Variants in RALGDS observed in about 807,000 individuals in gnomAD.
RALGDS encodes ral guanine nucleotide exchange factor.
RALGDS carries 44 observed loss-of-function variants against 99.8 expected under a neutral mutation model. The observed-to-expected ratio is 0.44, with a 90% CI of 0.35 to 0.57. The LOEUF (loss-of-function observed/expected upper bound fraction) is 0.57. Among genes scored for constraint, RALGDS ranks in the 20% least tolerant of loss-of-function variants. The pLI, the probability that RALGDS is intolerant of heterozygous loss-of-function variation, is 0.01. For synonymous variants in RALGDS, 529 were observed against 505.0 expected, an observed-to-expected ratio of 1.05 and a Z score of -0.64; for missense variants, 1,022 against 1,203.1, an observed-to-expected ratio of 0.85 and a Z score of 2.23.
At chr9:133,146,870 C>A (rs952433938) in intron 1 of RALGDS, among the ~76,000 whole-genome samples, 1 of 152,202 alleles carries the variant, frequency 6.6e-6, no homozygotes, top group Non-Finnish European at 1.5e-5. Flanking sequence ...TGCCCTCAGT[C>A]AAAACTGAAT....
At chr9:133,103,899 C>T (rs1830884693) in intron 10 of RALGDS, 66 bp from the exon 11 acceptor site, 1 of 1,487,606 alleles carries the variant, frequency 6.7e-7, no homozygotes, top group Non-Finnish European at 9.4e-7. Context: ...CCCCCAGCCC[C>T]AACTGGTCTC....
At chr9:133,104,206 C>G (rs1197564947) in intron 10 of RALGDS, 57 bp downstream of exon 10, 2 of 1,528,808 alleles carry the variant, frequency 1.3e-6, no homozygotes, top group East Asian at 4.5e-5. Context: ...AGGAAAGGGC[C>G]CTCCTCCCTA....
At chr9:133,103,677 G>T in intron 11 of RALGDS, 70 bp downstream of exon 11, 1 of 1,489,396 alleles carries the variant, frequency 6.7e-7, no homozygotes, top group Non-Finnish European at 9.4e-7. Context: ...AGGTGTGGCA[G>T]CCCAGCCCCC....
rs184674735 is a variant in RALGDS, at chr9:133,120,724, G to A, written c.183+248C>T. The stretch of plus-strand genomic sequence containing the variant: ...CCTTGGTGACAGCAGGCCCTGGAAC[G>A]GTATTGAGGGGCGCAAAACCCCAGC... On this transcript the variant is annotated intron_variant, in intron 1 of 17. Coordinates refer to ENST00000372050, the MANE Select transcript of RALGDS (RefSeq NM_006266.4). Among the ~76,000 whole-genome samples the A allele has an allele frequency of 2.4e-3, 360 of 152,312 alleles. 2 individuals are homozygous for A. The highest frequency in any genetic ancestry group is 8.4e-3 in the African/African-American group (351 of 41,560).
At chr9:133,124,100 GCA>G (rs1312368795), upstream of RALGDS, among the ~76,000 whole-genome samples, 1 of 54,726 alleles carries the variant, frequency 1.8e-5, no homozygotes, top group Non-Finnish European at 3.9e-5. Context: ...ACACAGAGAT[GCA>G]CACACAGACA....
chr9:133,111,246 G>T (rs569128852), intron 2 of RALGDS, among the ~76,000 whole-genome samples: 1 of 152,174 alleles, frequency 6.6e-6, no homozygotes. Context: ...TTATCCAGGG[G>T]CTGGGAGGGA....
rs199653450 is a variant in RALGDS, at chr9:133,108,797, A to G, written c.654T>C (p.Phe218=). The change falls in exon 5 of 18, where the codon TTT becomes TTC. Residue 218 remains phenylalanine, a synonymous_variant. Coordinates refer to ENST00000372050, the MANE Select transcript of RALGDS (RefSeq NM_006266.4). ...YSEDFCQPPD[F]PCLKQLVAYV... ...AGGCCACCAGCTGCTTGAGGCAGGG[A>G]AAGTCCGGAGGTTGACAGAAATCCT... The G allele has an allele frequency of 7.0e-5, 113 of 1,613,446 alleles. No individual in the cohort carries two copies. In the African/African-American group the frequency reaches 1.1e-3, roughly 15 times the overall value.
chr9:133,119,403 A>G (rs553113650), intron 1 of RALGDS, among the ~76,000 whole-genome samples: 17 of 150,430 alleles, frequency 1.1e-4, no homozygotes, highest in African/African-American at 4.2e-4. Flanking sequence ...TGACCCAGCC[A>G]GAAGCTTCCC....
rs1588543728 is a variant in RALGDS at position 133,116,569 on chromosome 9, C to G, written c.183+4403G>C. On this transcript the variant is annotated intron_variant, in intron 1 of 17. Transcript: ENST00000372050. The stretch of plus-strand genomic sequence containing the variant: ...CCAGCCCCTGACAGTCAGGTGAACA[C>G]AGGGCCAGGCCCGGGAGGGGCGTGG... Among the ~76,000 whole-genome samples, 4 of 152,368 alleles carry G rather than the reference C, an allele frequency of 2.6e-5. No homozygotes were observed. The South Asian group carries it at 8.3e-4, about 32-fold the overall frequency.
intron 8 of RALGDS, among the ~76,000 whole-genome samples, chr9:133,106,238 T>A (rs976569983): frequency 6.6e-6 from 1 of 151,784 alleles, no homozygotes; most frequent in Admixed American, 6.6e-5. Flanking sequence ...CCAAAGGGGT[T>A]TTTTTCTTTT....
intron 16 of RALGDS, chr9:133,100,584 G>A: frequency 1.4e-6 from 2 of 1,446,004 alleles, no homozygotes; most frequent in South Asian, 1.4e-5. Flanking sequence ...TTCCCCATGT[G>A]AGGCCTCCAT....
chr9:133,121,277 G>A (rs554400251), upstream of RALGDS: 2 of 981,718 alleles, frequency 2.0e-6, no homozygotes, highest in South Asian at 4.7e-5. Context: ...TGTCAGGCTG[G>A]GGGGCGGGGC....
At chr9:133,113,329 T>C (rs1831438649) in intron 1 of RALGDS, among the ~76,000 whole-genome samples, 1 of 152,170 alleles carries the variant, frequency 6.6e-6, no homozygotes, top group African/African-American at 2.4e-5. Flanking sequence ...CTGTCCAGCA[T>C]GCTGTGGACG....
chr9:133,136,609 A>C (rs565688344), intron 1 of RALGDS, among the ~76,000 whole-genome samples: 1 of 152,214 alleles, frequency 6.6e-6, no homozygotes, highest in East Asian at 1.9e-4. Context: ...CCCTGTTTCT[A>C]CTAAAAATAC....
intron 1 of RALGDS, among the ~76,000 whole-genome samples, chr9:133,138,087 G>A (rs1352755553): frequency 6.6e-6 from 1 of 152,232 alleles, no homozygotes; most frequent in Non-Finnish European, 1.5e-5. Flanking sequence ...CTGAGGGCCT[G>A]GGAAGTGGGG....
chr9:133,108,490 G>A lies in RALGDS; in HGVS notation c.779-84C>T, dbSNP rs1413473530. The A allele has an allele frequency of 2.1e-6, 3 of 1,458,056 alleles. No individual in the cohort carries two copies. In the African/African-American group the frequency reaches 4.2e-5, roughly 20 times the overall value. 90.3% of individuals were successfully genotyped at this position (1,458,056 alleles called of 1,614,324 possible). A position where few individuals can be genotyped will look rare whatever the true frequency, so the allele number is the denominator to read the frequency against. ...CAGAACAGCCCCGGCTTCCAGAGAA[G>A]CCTCTCTCCCCGAACCCACAAAACG... is the stretch of plus-strand genomic sequence containing the variant. On this transcript the variant is annotated intron_variant, in intron 5 of 17. Transcript: ENST00000372050.
intron 17 of RALGDS, 131 bp from the exon 18 acceptor site, chr9:133,098,893 A>T: frequency 1.2e-6 from 1 of 850,910 alleles, no homozygotes; most frequent in Non-Finnish European, 1.9e-6. Context: ...ACAGCTCCAG[A>T]ACTCCAAGGA....
At position 133,108,483 on chromosome 9, in the gene RALGDS, C is replaced by T. The variant is rs990366327; in HGVS notation, c.779-77G>A. The T allele has an allele frequency of 2.7e-6, 4 of 1,459,536 alleles. No individual in the cohort carries two copies. In the African/African-American group the frequency reaches 4.2e-5, roughly 15 times the overall value. The allele number at this position is 1,459,536 out of a possible 1,614,324, so 90.4% of individuals were successfully genotyped here. On this transcript the variant is annotated intron_variant, in intron 5 of 17. Coordinates refer to ENST00000372050, the MANE Select transcript of RALGDS (RefSeq NM_006266.4). The stretch of plus-strand genomic sequence containing the variant: ...AAAGACACAGAACAGCCCCGGCTTC[C>T]AGAGAAGCCTCTCTCCCCGAACCCA...
intron 1 of RALGDS, among the ~76,000 whole-genome samples, chr9:133,143,762 TAATAATAATAACAACAACAAC>T (rs1259008729): frequency 8.7e-4 from 92 of 106,224 alleles, no homozygotes; most frequent in African/African-American, 1.9e-3. Context: ...ATAATAATAA[TAATAATAATAACAACAACAAC>T]AACAATAATA....
Sources: gnomAD v4.1 joint callset for allele counts (sites outside exome capture counted in the v4.1 genomes callset) on GRCh38, gnomAD v4.1.1 for gene constraint, MANE v1.5 for transcripts, NCBI Gene and HGNC (gene_info 2026-07-23, HGNC 2026-07-21) for gene names.